SLC47A2: variants seen among roughly 807,000 people sequenced by gnomAD.
The protein encoded by SLC47A2 is solute carrier family 47 member 2.
Under a neutral mutation model 67.7 loss-of-function variants are expected in SLC47A2, and 52 were observed. The observed-to-expected ratio is 0.77, with a 90% CI of 0.61 to 0.97. The LOEUF (loss-of-function observed/expected upper bound fraction) is 0.97. Ranked by LOEUF, SLC47A2 falls within the 50% of genes least tolerant of loss-of-function variation. The probability of loss-of-function intolerance (pLI) is 0.00; values close to 1 mark genes in which losing one functional copy is unlikely to be tolerated. For missense variants in SLC47A2, 676 were observed against 712.3 expected (o/e 0.95, Z 0.58); for synonymous variants, 278 against 292.9 (o/e 0.95, Z 0.52).
chr17:19,704,050 C>T lies in SLC47A2; in HGVS notation c.1018+20G>A. 1 of 1,581,598 alleles carries T rather than the reference C, an allele frequency of 6.3e-7. No individual in the cohort carries two copies. The highest frequency in any genetic ancestry group is 8.6e-7 in the Non-Finnish European group (1 of 1,165,776). Reference sequence around the variant, plus strand: ...CTCAGGCCAACGTTTGAAGGCCCACCAGGAGAGGACTCCACCTACCTATGC... The same window carrying T: ...CTCAGGCCAACGTTTGAAGGCCCACTAGGAGAGGACTCCACCTACCTATGC... On this transcript the variant is annotated intron_variant, in intron 11 of 16. Coordinates refer to ENST00000433844, the MANE Select transcript of SLC47A2 (RefSeq NM_001099646.3).
intron 4 of SLC47A2, 116 bp from the exon 5 acceptor site, chr17:19,712,861 G>A (rs2086139853): frequency 1.3e-5 from 13 of 982,226 alleles, no homozygotes; most frequent in Non-Finnish European, 2.0e-5. Flanking sequence ...GTCTCAGCCA[G>A]GACTGTGAAA....
intron 13 of SLC47A2, among the ~76,000 whole-genome samples, chr17:19,689,458 A>T (rs1472646689): frequency 6.6e-6 from 1 of 152,188 alleles, no homozygotes; most frequent in African/African-American, 2.4e-5. Context: ...GCACTTTGGG[A>T]GTCCAAGGTG....
chr17:19,713,655 A>G (rs1392266639), intron 4 of SLC47A2, among the ~76,000 whole-genome samples, 170 bp downstream of exon 4: 1 of 152,230 alleles, frequency 6.6e-6, no homozygotes, highest in African/African-American at 2.4e-5. Context: ...AGCCGCAGCC[A>G]TGGGGAGAAT....
chr17:19,693,774 G>A (rs2108969), intron 13 of SLC47A2, among the ~76,000 whole-genome samples: 10,328 of 152,148 alleles, frequency 0.068, 439 homozygotes, highest in African/African-American at 0.11. Context: ...CTCTAGCCTG[G>A]GCGACAGAGC....
chr17:19,692,899 G>A (rs745894764), intron 13 of SLC47A2, among the ~76,000 whole-genome samples: 3 of 152,150 alleles, frequency 2.0e-5, no homozygotes, highest in African/African-American at 7.2e-5. Flanking sequence ...TTGGGAGGCC[G>A]AGGCAGGTGG....
upstream of SLC47A2, chr17:19,716,747 G>A: frequency 1.2e-6 from 1 of 806,590 alleles, no homozygotes; most frequent in Non-Finnish European, 1.8e-6. Flanking sequence ...CTGCTGCCAA[G>A]CCTACTGCCT....
chr17:19,705,117 C>G (rs1489704472), intron 10 of SLC47A2: 1 of 403,264 alleles, frequency 2.5e-6, no homozygotes, highest in African/African-American at 2.1e-5. Flanking sequence ...CCACTGCGCC[C>G]AGCCTGGAAT....
chr17:19,710,545 C>T (rs1008219758), intron 5 of SLC47A2, among the ~76,000 whole-genome samples: 23 of 151,898 alleles, frequency 1.5e-4, no homozygotes, highest in African/African-American at 5.3e-4. Context: ...CTCCACCTCC[C>T]GGGTTCAAGC....
intron 11 of SLC47A2, 52 bp downstream of exon 11, chr17:19,704,018 C>A: frequency 7.0e-7 from 1 of 1,420,112 alleles, no homozygotes; most frequent in South Asian, 1.3e-5. Context: ...GTGGCCCAGG[C>A]TGGTGACTCA....
chr17:19,678,941 A>G, intron 16 of SLC47A2, 35 bp from the exon 17 acceptor site: 1 of 1,536,544 alleles, frequency 6.5e-7, no homozygotes, highest in Non-Finnish European at 8.8e-7. Flanking sequence ...TCAGCAGGTC[A>G]GGGGTCAGAG....
intron 13 of SLC47A2, among the ~76,000 whole-genome samples, chr17:19,684,903 T>C (rs1422285373): frequency 1.3e-5 from 2 of 152,124 alleles, no homozygotes; most frequent in Non-Finnish European, 2.9e-5. Flanking sequence ...TGGACTGTAC[T>C]GCCATGATCT....
chr17:19,704,814 G>A, intron 10 of SLC47A2: 2 of 582,324 alleles, frequency 3.4e-6, no homozygotes, highest in Non-Finnish European at 5.5e-6. Flanking sequence ...GCTGCTCGAT[G>A]GAATGTGCTT....
At chr17:19,707,964 C>A in intron 7 of SLC47A2, 121 bp from the exon 8 acceptor site, 1 of 968,470 alleles carries the variant, frequency 1.0e-6, no homozygotes, top group Non-Finnish European at 1.6e-6. Flanking sequence ...GCTCTTCCCC[C>A]ATCCTGGGAT....
chr17:19,697,496 T>G lies in SLC47A2; in HGVS notation c.1164+5109A>C, dbSNP rs546361590. On this transcript the variant is annotated intron_variant, in intron 13 of 16. Transcript: ENST00000433844. Reference sequence around the variant, plus strand: ...CTCTCAACACTGTTACATAAACATATGAACTTCGGAGGACACATTCAAACC... The same window carrying G: ...CTCTCAACACTGTTACATAAACATAGGAACTTCGGAGGACACATTCAAACC... 9.8e-5 allele frequency among the ~76,000 whole-genome samples: 15 copies of G among 152,290 alleles called. No individual in the cohort carries two copies. The South Asian group carries it at 3.1e-3, about 32-fold the overall frequency.
upstream of SLC47A2, chr17:19,716,803 C>T (rs1191768867): frequency 8.0e-6 from 4 of 502,454 alleles, no homozygotes; most frequent in Admixed American, 1.1e-4. Flanking sequence ...CAGACCGCTG[C>T]CTGTTGTGTC....
In SLC47A2 at chr17:19,713,390, GTAATAATAA is replaced by G. The variant is rs34354818; in HGVS notation, c.443+426_443+434del. On this transcript the variant is annotated intron_variant, in intron 4 of 16. Coordinates refer to ENST00000433844, the MANE Select transcript of SLC47A2 (RefSeq NM_001099646.3). ...GCGACAGAGCGAGACTCTGTCTCAA[GTAATAATAA>G]TAATAATAATAATAATCATCATCAT... is the stretch of plus-strand genomic sequence containing the variant. 6.8e-3 allele frequency among the ~76,000 whole-genome samples: 1,014 copies of G among 148,734 alleles called. 5 individuals are homozygous for G. The highest frequency in any genetic ancestry group is 0.023 in the African/African-American group (948 of 40,502).
At chr17:19,708,214 C>A in intron 7 of SLC47A2, 88 bp downstream of exon 7, 1 of 1,470,630 alleles carries the variant, frequency 6.8e-7, no homozygotes, top group Non-Finnish European at 9.4e-7. Context: ...CAGGCAGGGC[C>A]AGGATGGTGA....
chr17:19,704,728 TGGA>T, intron 10 of SLC47A2: 1 of 1,539,772 alleles, frequency 6.5e-7, no homozygotes, highest in Non-Finnish European at 8.8e-7. Context: ...GGGGCTGTGG[TGGA>T]GGAGAGCCCA....
intron 16 of SLC47A2, 142 bp from the exon 17 acceptor site, chr17:19,679,048 A>C (rs114343604): frequency 0.014 from 8,986 of 661,398 alleles, 130 homozygotes; most frequent in African/African-American, 0.051. Flanking sequence ...TAGAAAAATA[A>C]CTGCTTTATC....
Sources: gnomAD v4.1 joint callset for allele counts (sites outside exome capture counted in the v4.1 genomes callset) on GRCh38, gnomAD v4.1.1 for gene constraint, MANE v1.5 for transcripts, NCBI Gene and HGNC (gene_info 2026-07-23, HGNC 2026-07-21) for gene names.